MAST4: variants seen among roughly 807,000 people sequenced by gnomAD.
The protein encoded by MAST4 is microtubule-associated serine/threonine-protein kinase 4.
A neutral mutation model predicts 162.7 loss-of-function variants in MAST4; 89 were observed. The observed-to-expected ratio is 0.55, with a 90% CI of 0.46 to 0.65. MAST4 has a LOEUF of 0.65. Among genes scored for constraint, MAST4 ranks in the 30% least tolerant of loss-of-function variants. The pLI is 0.00. For missense variants in MAST4, 3,153 were observed against 3,374.0 expected, an observed-to-expected ratio of 0.93 and a Z score of 1.62; for synonymous variants, 1,479 against 1,361.1, an observed-to-expected ratio of 1.09 and a Z score of -1.91.
intron 4 of MAST4, chr5:67,003,831 G>T (rs1166216350): frequency 6.6e-6 from 1 of 152,116 alleles, no homozygotes; most frequent in Non-Finnish European, 1.5e-5. Context: ...TCCACATCGG[G>T]GCTCACCATT....
chr5:67,058,668 G>A (rs1171064073), intron 5 of MAST4, among the ~76,000 whole-genome samples: 5 of 152,224 alleles, frequency 3.3e-5, no homozygotes, highest in Non-Finnish European at 5.9e-5. Context: ...AACATTGCAT[G>A]TTGTCATTTC....
intron 3 of MAST4, among the ~76,000 whole-genome samples, chr5:66,819,862 C>T (rs1756910061): frequency 6.6e-6 from 1 of 150,808 alleles, no homozygotes; most frequent in Non-Finnish European, 1.5e-5. Flanking sequence ...CTGCTTAGAT[C>T]TCCCAGGCTC....
rs1472071145 is a variant in MAST4 at position 67,136,555 on chromosome 5, C to G, written c.2393-8C>G. The G allele has an allele frequency of 6.3e-7, 1 of 1,588,996 alleles. No individual in the cohort carries two copies. The highest frequency in any genetic ancestry group is 1.7e-5 in the Admixed American group (1 of 57,226). On this transcript the variant is annotated splice_region_variant and splice_polypyrimidine_tract_variant and intron_variant, in intron 18 of 28. Coordinates refer to ENST00000403625, the MANE Select transcript of MAST4 (RefSeq NM_001164664.2). Reference sequence around the variant, plus strand: ...AATATGGTTATAAACAACTTTTCTTCCTTCTAGATGAGATCAACTGGCCTG... The same window carrying G: ...AATATGGTTATAAACAACTTTTCTTGCTTCTAGATGAGATCAACTGGCCTG...
intron 1 of MAST4, among the ~76,000 whole-genome samples, chr5:66,725,137 T>A (rs1032816843): frequency 2.0e-5 from 3 of 152,108 alleles, no homozygotes; most frequent in African/African-American, 7.2e-5. Flanking sequence ...TCAATTGATA[T>A]CTTAAGGACA....
At chr5:66,807,153 G>A (rs940194567) in intron 3 of MAST4, among the ~76,000 whole-genome samples, 2 of 152,174 alleles carry the variant, frequency 1.3e-5, no homozygotes, top group African/African-American at 2.4e-5. Flanking sequence ...ATCCCCTCAA[G>A]CATTTATCCT....
chr5:66,667,633 C>T (rs1391821353), intron 1 of MAST4, among the ~76,000 whole-genome samples: 9 of 152,234 alleles, frequency 5.9e-5, no homozygotes, highest in Admixed American at 3.3e-4. Context: ...TTGTTGATGC[C>T]GAGTTCCTAC....
At chr5:66,833,225 G>T (rs1757737170) in intron 3 of MAST4, among the ~76,000 whole-genome samples, 1 of 152,170 alleles carries the variant, frequency 6.6e-6, no homozygotes, top group South Asian at 2.1e-4. Flanking sequence ...ATTTTGGTCA[G>T]TGAAACAGCA....
intron 4 of MAST4, chr5:66,959,116 C>T: frequency 2.9e-6 from 2 of 680,626 alleles, no homozygotes; most frequent in African/African-American, 1.8e-5. Flanking sequence ...AAACTTGCAG[C>T]CTCCCCCTCC....
At chr5:66,665,465 TAGC>T (rs1747192774) in intron 1 of MAST4, among the ~76,000 whole-genome samples, 1 of 152,240 alleles carries the variant, frequency 6.6e-6, no homozygotes, top group African/African-American at 2.4e-5. Context: ...TACTGTTTCT[TAGC>T]AGAGAACTAT....
chr5:66,865,000 G>C (rs886706481), intron 3 of MAST4, among the ~76,000 whole-genome samples: 5 of 152,078 alleles, frequency 3.3e-5, no homozygotes, highest in African/African-American at 1.2e-4. Flanking sequence ...ACATGGGGCA[G>C]TGCTAGTTGT....
chr5:66,892,360 C>CT (rs999626612), intron 3 of MAST4, among the ~76,000 whole-genome samples: 1 of 152,148 alleles, frequency 6.6e-6, no homozygotes, highest in Non-Finnish European at 1.5e-5. Flanking sequence ...TATTCCAGGC[C>CT]TTTTCACACT....
chr5:67,096,138 G>A (rs1363099569), intron 7 of MAST4, among the ~76,000 whole-genome samples: 1 of 151,958 alleles, frequency 6.6e-6, no homozygotes, highest in African/African-American at 2.4e-5. Flanking sequence ...ATTTGTCTGT[G>A]CCTTCTAGGT....
At chr5:66,650,800 G>A (rs62362316) in intron 1 of MAST4, among the ~76,000 whole-genome samples, 41,347 of 152,096 alleles carry the variant, frequency 0.27, 5,844 homozygotes, top group African/African-American at 0.32. Flanking sequence ...TAATACATCA[G>A]TATTCTAATA....
chr5:66,668,259 A>C lies in MAST4; in HGVS notation c.363+71241A>C, dbSNP rs188450869. Among the ~76,000 whole-genome samples the C allele has an allele frequency of 2.4e-3, 360 of 152,350 alleles. 1 individual carries two copies. Among genetic ancestry groups the C allele is most frequent in the Non-Finnish European group, 3.6e-3 (246 of 68,040 alleles). Reference sequence around the variant, plus strand: ...GAACTCTAATTTCTGAGTGGATTTTATACAGAATATTTTATCCCGAGAGTC... The same window carrying C: ...GAACTCTAATTTCTGAGTGGATTTTCTACAGAATATTTTATCCCGAGAGTC... On this transcript the variant is annotated intron_variant, in intron 1 of 28. Transcript: ENST00000403625.
intron 3 of MAST4, among the ~76,000 whole-genome samples, chr5:66,866,722 T>A (rs1453960032): frequency 6.6e-6 from 1 of 152,190 alleles, no homozygotes; most frequent in East Asian, 1.9e-4. Context: ...GTGATTCTTT[T>A]CAGAATTAAA....
chr5:67,100,139 C>G (rs561190469), intron 7 of MAST4, among the ~76,000 whole-genome samples: 6 of 152,148 alleles, frequency 3.9e-5, no homozygotes, highest in African/African-American at 1.4e-4. Flanking sequence ...CTCCAGTGGT[C>G]GCTTTCTTGC....
intron 1 of MAST4, among the ~76,000 whole-genome samples, chr5:66,597,567 C>A (rs922861217): frequency 1.3e-5 from 2 of 152,196 alleles, no homozygotes; most frequent in Admixed American, 6.5e-5. Flanking sequence ...CGTCGGTCCT[C>A]TGGGAGAAGA....
At position 66,728,528 on chromosome 5, in the gene MAST4, G is replaced by C. The variant is rs184373124; in HGVS notation, c.364-31181G>C. On this transcript the variant is annotated intron_variant, in intron 1 of 28. Transcript: ENST00000403625. The stretch of plus-strand genomic sequence containing the variant: ...TTTGCTATAGTCCTTTGCGTCGTAG[G>C]TCTACAGTGCATGTCTAATGACTAA... Among the ~76,000 whole-genome samples, 882 of 152,224 alleles carry C rather than the reference G, an allele frequency of 5.8e-3. 8 individuals carry two copies. The highest frequency in any genetic ancestry group is 0.057 in the South Asian group (272 of 4,810).
rs529729042 is a variant in MAST4 at position 66,599,445 on chromosome 5, C to T, written c.363+2427C>T. Among the ~76,000 whole-genome samples, 30 of 152,348 alleles carry T rather than the reference C, an allele frequency of 2.0e-4. 1 individual carries two copies. In the South Asian group the frequency reaches 5.2e-3, roughly 26 times the overall value. Reference sequence around the variant, plus strand: ...AGTTGTGGGATTGTGGACCATTCAACTTCTGCAAATCTCAGCTTTCCTACC... The same window carrying T: ...AGTTGTGGGATTGTGGACCATTCAATTTCTGCAAATCTCAGCTTTCCTACC... On this transcript the variant is annotated intron_variant, in intron 1 of 28. Transcript: ENST00000403625.
Sources: allele counts gnomAD v4.1 joint callset (sites outside exome capture counted in the v4.1 genomes callset), GRCh38; gene constraint gnomAD v4.1.1; transcripts MANE v1.5; gene names NCBI Gene and HGNC (gene_info 2026-07-23, HGNC 2026-07-21).